The following BEND3 variants were observed in gnomAD, a reference collection of about 807,000 sequenced individuals.
BEND3 encodes BEN domain-containing protein 3.
In BEND3, 13 loss-of-function variants were observed where a neutral mutation model predicts 60.1. That is an observed-to-expected ratio of 0.22 (90% confidence interval 0.14 to 0.34). The LOEUF (loss-of-function observed/expected upper bound fraction) is 0.34, where lower values mean the gene tolerates loss of function less well. Among genes scored for constraint, BEND3 ranks in the 10% least tolerant of loss-of-function variants. The pLI, the probability that BEND3 is intolerant of heterozygous loss-of-function variation, is 1.00. For synonymous variants in BEND3, 497 were observed against 491.5 expected (o/e 1.01, Z -0.15); for missense variants, 896 against 1,138.1 (o/e 0.79, Z 3.06).
At position 107,109,645 on chromosome 6, in the gene BEND3, G is replaced by A. The variant is rs190543563; in HGVS notation, c.-12+5445C>T. On this transcript the variant is annotated intron_variant, in intron 1 of 3. Coordinates refer to ENST00000369042, the MANE Select transcript of BEND3 (RefSeq NM_001367314.1). The stretch of plus-strand genomic sequence containing the variant: ...CCCCAGCACTTTGGGAGGCTGAGGC[G>A]GACGGATCACTTGCAGTCAGGAGTT... Among the ~76,000 whole-genome samples the A allele has an allele frequency of 1.8e-4, 27 of 151,924 alleles. 1 individual carries two copies. Among genetic ancestry groups the A allele is most frequent in the Admixed American group, 1.6e-3 (25 of 15,256 alleles).
chr6:107,089,137 C>CAA (rs35806140), intron 3 of BEND3, among the ~76,000 whole-genome samples: 3 of 139,466 alleles, frequency 2.2e-5, no homozygotes, highest in African/African-American at 2.7e-5. Context: ...GACTCCGTCT[C>CAA]AAAAAAAAAA....
At chr6:107,103,060 A>G (rs1775734011) in intron 1 of BEND3, among the ~76,000 whole-genome samples, 1 of 152,160 alleles carries the variant, frequency 6.6e-6, no homozygotes, top group African/African-American at 2.4e-5. Flanking sequence ...CCCTCTGTCC[A>G]ACAGCACCAG....
At chr6:107,103,646 A>AAAAAAG (rs781792537) in intron 1 of BEND3, among the ~76,000 whole-genome samples, 1 of 151,144 alleles carries the variant, frequency 6.6e-6, no homozygotes, top group Non-Finnish European at 1.5e-5. Context: ...TAAGCCTAGG[A>AAAAAAG]AAAAAGAAAA....
At chr6:107,098,414 A>G (rs1174633064) in intron 3 of BEND3, 137 bp downstream of exon 3, 15 of 825,996 alleles carry the variant, frequency 1.8e-5, no homozygotes, top group Non-Finnish European at 1.9e-5. Context: ...GAAGCCAGAG[A>G]TGGGATAGCT....
intron 1 of BEND3, among the ~76,000 whole-genome samples, chr6:107,106,335 G>T (rs1311675613): frequency 3.9e-5 from 6 of 152,188 alleles, no homozygotes; most frequent in Non-Finnish European, 8.8e-5. Context: ...CCAGGGAGTA[G>T]GAAGGACTTC....
At chr6:107,076,569 C>A (rs987710179) in intron 3 of BEND3, among the ~76,000 whole-genome samples, 5 of 152,146 alleles carry the variant, frequency 3.3e-5, no homozygotes, top group Non-Finnish European at 1.5e-5. Flanking sequence ...GGGAGTGGGA[C>A]ACCCTGGAGA....
intron 3 of BEND3, among the ~76,000 whole-genome samples, chr6:107,086,202 C>G (rs1554234226): frequency 2.0e-5 from 3 of 152,088 alleles, no homozygotes; most frequent in African/African-American, 7.3e-5. Context: ...CCAGCTCCTG[C>G]CTTTCACCTG....
intron 3 of BEND3, among the ~76,000 whole-genome samples, chr6:107,071,481 A>G (rs1774980035): frequency 6.6e-6 from 1 of 152,134 alleles, no homozygotes; most frequent in Non-Finnish European, 1.5e-5. Context: ...GGGAAGGCTC[A>G]TCTGGGATGC....
intron 1 of BEND3, among the ~76,000 whole-genome samples, chr6:107,102,598 G>A (rs536740465): frequency 6.6e-6 from 1 of 152,312 alleles, no homozygotes; most frequent in South Asian, 2.1e-4. Context: ...ATAGACTAGT[G>A]ACAGATGCTA....
At chr6:107,097,323 C>T (rs1227231614) in intron 3 of BEND3, among the ~76,000 whole-genome samples, 11 of 151,298 alleles carry the variant, frequency 7.3e-5, no homozygotes, top group South Asian at 2.1e-4. Flanking sequence ...GCCAAGATCG[C>T]GCCATTGCAC....
chr6:107,070,400 C>G lies in BEND3; in HGVS notation c.791G>C (p.Gly264Ala). Reference sequence around the variant, plus strand: ...CACCAGCAAGCGGCAGGCCAGGTCCCCCCCTGACAGGCTCTGGTCCACGAT... The same window carrying G: ...CACCAGCAAGCGGCAGGCCAGGTCCGCCCCTGACAGGCTCTGGTCCACGAT... ...KQIVDQSLSGGDLACRLLVQL... is the reference protein window; with the variant it reads ...KQIVDQSLSGADLACRLLVQL... Residue 264 changes from glycine to alanine, a missense_variant, in exon 4 of 4, where the codon GGG becomes GCG. This residue lies in a region of BEND3 where 846 missense variants were observed against 1,036.7 expected (regional missense o/e 0.82). Coordinates refer to ENST00000369042, the MANE Select transcript of BEND3 (RefSeq NM_001367314.1). This position sits in a 1 kb window ranked among gnomAD's most constrained non-coding sequence, Gnocchi z 6.9. The G allele has an allele frequency of 6.2e-7, 1 of 1,613,964 alleles. No individual in the cohort carries two copies. The highest frequency in any genetic ancestry group is 1.1e-5 in the South Asian group (1 of 91,084).
chr6:107,079,145 T>C (rs1351559135), intron 3 of BEND3, among the ~76,000 whole-genome samples: 1 of 152,084 alleles, frequency 6.6e-6, no homozygotes, highest in Non-Finnish European at 1.5e-5. Context: ...GTCGAGAGGA[T>C]GTCGGGAGCA....
intron 3 of BEND3, among the ~76,000 whole-genome samples, chr6:107,087,316 C>A (rs1397226504): frequency 1.3e-5 from 2 of 150,946 alleles, no homozygotes; most frequent in Non-Finnish European, 2.9e-5. Flanking sequence ...AAAACTCCAA[C>A]TCAAAAAAGA....
At chr6:107,111,919 T>C (rs1374480902) in intron 1 of BEND3, among the ~76,000 whole-genome samples, 1 of 150,934 alleles carries the variant, frequency 6.6e-6, no homozygotes, top group African/African-American at 2.5e-5. Flanking sequence ...GAGATGGATG[T>C]TGCAGTGGGC....
chr6:107,075,964 C>T (rs1311216114), intron 3 of BEND3, among the ~76,000 whole-genome samples: 1 of 152,212 alleles, frequency 6.6e-6, no homozygotes, highest in Non-Finnish European at 1.5e-5. Context: ...TTCCACCAAG[C>T]ATGTTAGAAA....
chr6:107,105,743 T>G (rs1775800269), intron 1 of BEND3, among the ~76,000 whole-genome samples: 1 of 152,182 alleles, frequency 6.6e-6, no homozygotes, highest in African/African-American at 2.4e-5. Flanking sequence ...CTCCGGATTT[T>G]ACCCTGCTAG....
At chr6:107,097,790 CAA>C (rs10674719) in intron 3 of BEND3, among the ~76,000 whole-genome samples, 76 of 53,334 alleles carry the variant, frequency 1.4e-3, no homozygotes, top group South Asian at 8.0e-3. Context: ...AACTCCGTCT[CAA>C]AAAAAAAAAA....
At chr6:107,105,139 A>C (rs563176589) in intron 1 of BEND3, among the ~76,000 whole-genome samples, 81 of 152,172 alleles carry the variant, frequency 5.3e-4, no homozygotes, top group South Asian at 3.1e-3. Context: ...TTGGGAGGCC[A>C]AGCCAGGTGG....
chr6:107,105,488 G>A (rs62427977), intron 1 of BEND3, among the ~76,000 whole-genome samples: 1 of 151,946 alleles, frequency 6.6e-6, no homozygotes, highest in African/African-American at 2.4e-5. Flanking sequence ...ATTTCCAAAA[G>A]GACATTCTCT....
Sources: gnomAD v4.1 joint callset for allele counts (sites outside exome capture counted in the v4.1 genomes callset) on GRCh38, gnomAD v4.1.1 for gene constraint, gnomAD v4.1.1 regional missense constraint, Gnocchi (gnomAD v3.1) non-coding constraint, MANE v1.5 for transcripts, NCBI Gene and HGNC (gene_info 2026-07-23, HGNC 2026-07-21) for gene names.